CSMD1: variants seen among roughly 807,000 people sequenced by gnomAD.
CSMD1 encodes CUB and Sushi multiple domains 1.
CSMD1 carries 213 observed loss-of-function variants against 417.5 expected under a neutral mutation model. That is an observed-to-expected ratio of 0.51 (90% confidence interval 0.46 to 0.57). The LOEUF is 0.57. CSMD1 is among the 20% of genes least tolerant of loss of function. The pLI is 0.00. For missense variants in CSMD1, 6,923 were observed against 4,529.7 expected, an observed-to-expected ratio of 1.53 and a Z score of -15.17; for synonymous variants, 2,862 against 1,736.8, an observed-to-expected ratio of 1.65 and a Z score of -16.11.
At chr8:4,229,165 A>C (rs77233559) in intron 3 of CSMD1, among the ~76,000 whole-genome samples, 1 of 152,146 alleles carries the variant, frequency 6.6e-6, no homozygotes, top group East Asian at 1.9e-4. Flanking sequence ...GGGCAGGACA[A>C]AAACCCGGAG....
intron 12 of CSMD1, among the ~76,000 whole-genome samples, chr8:3,463,543 T>C (rs75312239): frequency 0.035 from 5,282 of 152,302 alleles, 157 homozygotes; most frequent in East Asian, 0.15. Flanking sequence ...CACTGTCTTG[T>C]CTGACTATGA....
chr8:4,773,504 G>T (rs1299232679), intron 1 of CSMD1, among the ~76,000 whole-genome samples: 1 of 152,134 alleles, frequency 6.6e-6, no homozygotes, highest in Non-Finnish European at 1.5e-5. Flanking sequence ...AATACTCTCA[G>T]ATTGCTTCCT....
intron 1 of CSMD1, among the ~76,000 whole-genome samples, chr8:4,674,340 C>T (rs538554999): frequency 1.1e-3 from 169 of 151,924 alleles, no homozygotes; most frequent in Middle Eastern, 3.4e-3. Context: ...GGAAGGTAAA[C>T]GCAAGTGGAA....
intron 8 of CSMD1, among the ~76,000 whole-genome samples, chr8:3,590,387 A>T (rs1260997195): frequency 6.6e-6 from 1 of 152,134 alleles, no homozygotes; most frequent in Non-Finnish European, 1.5e-5. Flanking sequence ...CAAGGTAGTC[A>T]TGTGCACTCT....
chr8:4,330,264 G>A (rs1044638444), intron 3 of CSMD1, among the ~76,000 whole-genome samples: 1 of 126,300 alleles, frequency 7.9e-6, no homozygotes, highest in Non-Finnish European at 1.9e-5. Flanking sequence ...GACTCTGTCT[G>A]GTTGTACTCT....
chr8:4,471,720 G>A (rs775144848), intron 2 of CSMD1, among the ~76,000 whole-genome samples: 3 of 146,700 alleles, frequency 2.0e-5, no homozygotes, highest in East Asian at 2.0e-4. Flanking sequence ...AAAGAAAAAT[G>A]CAGCAAACAC....
chr8:4,372,783 C>A (rs957317316), intron 3 of CSMD1, among the ~76,000 whole-genome samples: 9 of 149,404 alleles, frequency 6.0e-5, no homozygotes, highest in African/African-American at 1.2e-4. Flanking sequence ...CCAAAGTGTA[C>A]AATAAATATA....
intron 5 of CSMD1, among the ~76,000 whole-genome samples, chr8:3,945,269 C>G (rs895886325): frequency 3.4e-4 from 52 of 151,184 alleles, no homozygotes; most frequent in Admixed American, 3.4e-3. Flanking sequence ...ACAATACATT[C>G]TCCATCATGT....
intron 3 of CSMD1, among the ~76,000 whole-genome samples, chr8:4,273,246 G>A (rs1351947339): frequency 1.3e-5 from 2 of 151,956 alleles, no homozygotes; most frequent in African/African-American, 4.8e-5. Flanking sequence ...CTTATAAAAA[G>A]GCAATGAGCA....
At chr8:3,237,575 TTTTTATACTTATACTATAAATATAA>T (rs1799226829) in intron 26 of CSMD1, among the ~76,000 whole-genome samples, 1 of 103,876 alleles carries the variant, frequency 9.6e-6, no homozygotes, top group Non-Finnish European at 2.2e-5. Flanking sequence ...ATAAATATAA[TTTTTATACTTATACTATAAATATAA>T]TTTTATACTT....
chr8:4,375,527 T>C (rs2128915464), intron 3 of CSMD1, among the ~76,000 whole-genome samples: 1 of 152,208 alleles, frequency 6.6e-6, no homozygotes, highest in Non-Finnish European at 1.5e-5. Context: ...AATTTTTTTT[T>C]CCTCCTTAAC....
chr8:3,394,933 T>G (rs189004471), intron 17 of CSMD1, among the ~76,000 whole-genome samples: 17 of 152,188 alleles, frequency 1.1e-4, no homozygotes, highest in African/African-American at 3.9e-4. Flanking sequence ...TATTTTTATC[T>G]AAAAGTAGAC....
At chr8:2,945,116 G>C (rs1054821785) in intron 68 of CSMD1, among the ~76,000 whole-genome samples, 3 of 152,118 alleles carry the variant, frequency 2.0e-5, no homozygotes, top group African/African-American at 7.2e-5. Context: ...ATGGCATAAA[G>C]GGATATGAAA....
chr8:4,244,591 G>T (rs1279582911), intron 3 of CSMD1, among the ~76,000 whole-genome samples: 1 of 151,612 alleles, frequency 6.6e-6, no homozygotes, highest in Non-Finnish European at 1.5e-5. Flanking sequence ...AACTATTGTA[G>T]ATCTGTCTCC....
At chr8:4,667,449 A>C (rs1195533437) in intron 1 of CSMD1, among the ~76,000 whole-genome samples, 1 of 152,140 alleles carries the variant, frequency 6.6e-6, no homozygotes, top group East Asian at 1.9e-4. Context: ...AGAAAAAAAA[A>C]AAGAAACTGA....
intron 2 of CSMD1, among the ~76,000 whole-genome samples, chr8:4,584,047 T>C (rs2725032): frequency 0.68 from 103,126 of 151,326 alleles, 35,910 homozygotes; most frequent in African/African-American, 0.84. Flanking sequence ...TAACACTCAC[T>C]ACGAAGGTCT....
At chr8:3,864,061 C>T (rs1424567614) in intron 5 of CSMD1, among the ~76,000 whole-genome samples, 2 of 151,920 alleles carry the variant, frequency 1.3e-5, no homozygotes, top group East Asian at 3.9e-4. Flanking sequence ...GTGAAGATGG[C>T]CCAGATAATA....
At chr8:4,001,501 G>A (rs1264124986) in intron 4 of CSMD1, among the ~76,000 whole-genome samples, 4 of 152,254 alleles carry the variant, frequency 2.6e-5, no homozygotes, top group South Asian at 4.2e-4. Context: ...AACTGTGCTG[G>A]TGCCCACCCC....
chr8:3,240,167 C>T (rs191558823), intron 26 of CSMD1, among the ~76,000 whole-genome samples: 20 of 152,108 alleles, frequency 1.3e-4, no homozygotes, highest in African/African-American at 2.7e-4. Flanking sequence ...GGTGCGGTCC[C>T]GGTTCTTGTG....
Sources: gnomAD v4.1 joint callset for allele counts (sites outside exome capture counted in the v4.1 genomes callset) on GRCh38, gnomAD v4.1.1 for gene constraint, MANE v1.5 for transcripts, NCBI Gene and HGNC (gene_info 2026-07-23, HGNC 2026-07-21) for gene names.